PSMF1: variants seen among roughly 807,000 people sequenced by gnomAD.
PSMF1 encodes proteasome inhibitor PI31 subunit.
A neutral mutation model predicts 29.3 loss-of-function variants in PSMF1; 30 were observed. That is an observed-to-expected ratio of 1.02 (90% CI 0.77 to 1.39). The LOEUF (loss-of-function observed/expected upper bound fraction) is 1.39, where lower values mean the gene tolerates loss of function less well. Ranked by LOEUF, PSMF1 falls within the 40% of genes most tolerant of loss-of-function variation. The pLI is 0.00. For synonymous variants in PSMF1, 134 were observed against 139.7 expected (o/e 0.96, Z 0.29); for missense variants, 344 against 357.5 (o/e 0.96, Z 0.31).
At chr20:1,121,660 C>T (rs910160411) in intron 1 of PSMF1, among the ~76,000 whole-genome samples, 7 of 152,104 alleles carry the variant, frequency 4.6e-5, no homozygotes, top group East Asian at 1.9e-4. Flanking sequence ...GAGGAAGGTC[C>T]CAAGAGTGTA....
Position 1,166,166 on chromosome 20 carries a change from G to A in PSMF1, c.*1086G>A. The stretch of plus-strand genomic sequence containing the variant: ...TGGTGTTGAACTTCGGGAGGAGCAG[G>A]GAGCCCTGCACCTTGTGTCCTGGCC... On this transcript the variant is annotated 3_prime_UTR_variant, in exon 7 of 7. Transcript: ENST00000335877. 1 of 1,601,366 alleles carries A rather than the reference G, an allele frequency of 6.2e-7. No individual in the cohort carries two copies. The highest frequency in any genetic ancestry group is 8.5e-7 in the Non-Finnish European group (1 of 1,174,552).
At chr20:1,133,155 C>T (rs1459474866) in intron 3 of PSMF1, among the ~76,000 whole-genome samples, 2 of 151,116 alleles carry the variant, frequency 1.3e-5, no homozygotes, top group African/African-American at 2.4e-5. Context: ...ATGCTTTCCT[C>T]GTTCCCAATC....
At chr20:1,121,342 G>A (rs1333224360) in intron 1 of PSMF1, among the ~76,000 whole-genome samples, 2 of 151,962 alleles carry the variant, frequency 1.3e-5, no homozygotes, top group African/African-American at 2.4e-5. Flanking sequence ...GCATGCCCCC[G>A]AAGGAATGAG....
At chr20:1,150,446 CA>C (rs111349364) in intron 4 of PSMF1, among the ~76,000 whole-genome samples, 32 of 149,304 alleles carry the variant, frequency 2.1e-4, no homozygotes, top group African/African-American at 6.4e-4. Flanking sequence ...GTCAACACAG[CA>C]AAAAAAAAGC....
intron 4 of PSMF1, 45 bp downstream of exon 4, chr20:1,135,351 G>T: frequency 6.5e-7 from 1 of 1,540,690 alleles, no homozygotes. Context: ...TCTGTAGAGG[G>T]ATTCCAGCCA....
rs191438914 is a variant in PSMF1, at chr20:1,139,703, C to T, written c.551+4397C>T. Among the ~76,000 whole-genome samples the T allele has an allele frequency of 5.2e-3, 787 of 150,244 alleles. 2 individuals carry two copies. The highest frequency in any genetic ancestry group is 0.031 in the Middle Eastern group (9 of 290). Reference sequence around the variant, plus strand: ...GAGCTTGCAGTGAGCTGAGATTGCACCACTGCACTCCAGCCTGGGCAACAG... The same window carrying T: ...GAGCTTGCAGTGAGCTGAGATTGCATCACTGCACTCCAGCCTGGGCAACAG... On this transcript the variant is annotated intron_variant, in intron 4 of 6. Transcript: ENST00000335877.
chr20:1,118,616 GC>G lies in PSMF1; in HGVS notation c.-154del. 2 of 882,626 alleles carry G rather than the reference GC, an allele frequency of 2.3e-6. No individual in the cohort carries two copies. The highest frequency in any genetic ancestry group is 3.2e-6 in the Non-Finnish European group (2 of 616,346). 54.7% of individuals were successfully genotyped at this position (882,626 alleles called of 1,614,324 possible). A position where few individuals can be genotyped will look rare whatever the true frequency, so the allele number is the denominator to read the frequency against. ...GGACTACTTCCGGCTTCCCCGCCCC[GC>G]CCCGTCCCCGGGCGTCTCCATTTTG... On this transcript the variant is annotated 5_prime_UTR_variant, in exon 1 of 7. Coordinates refer to ENST00000335877, the MANE Select transcript of PSMF1 (RefSeq NM_006814.5).
Position 1,170,676 on chromosome 20 carries a change from A to G in PSMF1, c.*5596A>G, listed in dbSNP as rs558424065. The stretch of plus-strand genomic sequence containing the variant: ...GGCCTTCCTCATCCACAAAATGAGC[A>G]TCACCCCTACCTGCAGGATTCTTGC... On this transcript the variant is annotated 3_prime_UTR_variant, in exon 7 of 7. Transcript: ENST00000335877. Among the ~76,000 whole-genome samples the G allele has an allele frequency of 4.6e-5, 7 of 151,966 alleles. No individual in the cohort carries two copies. The East Asian group carries it at 1.4e-3, about 30-fold the overall frequency.
intron 4 of PSMF1, among the ~76,000 whole-genome samples, chr20:1,155,515 A>G (rs1302737544): frequency 6.6e-6 from 1 of 152,224 alleles, no homozygotes; most frequent in Non-Finnish European, 1.5e-5. Context: ...CTTTCTGCTC[A>G]GAGGACCCAA....
intron 4 of PSMF1, among the ~76,000 whole-genome samples, chr20:1,162,298 A>G (rs1026867314): frequency 5.9e-5 from 9 of 152,140 alleles, no homozygotes; most frequent in Non-Finnish European, 1.2e-4. Context: ...GCAATTCTTG[A>G]GTCTTTAAGA....
intron 4 of PSMF1, among the ~76,000 whole-genome samples, chr20:1,146,447 A>G (rs2086451250): frequency 6.6e-6 from 1 of 152,168 alleles, no homozygotes. Context: ...GGGTGGGGCC[A>G]GATTTGGGGA....
chr20:1,165,130 G>A lies in PSMF1; in HGVS notation c.*50G>A. ...GGCTTCCCTCCATTCTCCTGGAGCTGCCACCGCTGTCCCCATCAGCAACCA... is the reference window on the plus strand; with the variant it reads ...GGCTTCCCTCCATTCTCCTGGAGCTACCACCGCTGTCCCCATCAGCAACCA... On this transcript the variant is annotated 3_prime_UTR_variant, in exon 7 of 7. Transcript: ENST00000335877. 6.2e-7 allele frequency: 1 copy of A among 1,613,896 alleles called. No homozygotes were observed. The highest frequency in any genetic ancestry group is 2.2e-5 in the East Asian group (1 of 44,872).
chr20:1,165,994 G>A lies in PSMF1; in HGVS notation c.*914G>A. 2.1e-6 allele frequency: 3 copies of A among 1,410,958 alleles called. No individual in the cohort carries two copies. Among genetic ancestry groups the A allele is most frequent in the Non-Finnish European group, 2.8e-6 (3 of 1,083,070 alleles). 87.4% of individuals were successfully genotyped at this position (1,410,958 alleles called of 1,614,324 possible). ...ATTTTGATGTCTCATTCTGTGTTTG[G>A]TAACCCCTATAAACTGGGGCAGAGG... is the stretch of plus-strand genomic sequence containing the variant. On this transcript the variant is annotated 3_prime_UTR_variant, in exon 7 of 7. Transcript: ENST00000335877.
Position 1,129,795 on chromosome 20 carries a change from G to A in PSMF1, c.365+2287G>A, listed in dbSNP as rs373166737. Among the ~76,000 whole-genome samples, 8 of 152,294 alleles carry A rather than the reference G, an allele frequency of 5.3e-5. No individual in the cohort carries two copies. In the South Asian group the frequency reaches 8.3e-4, roughly 16 times the overall value. ...TATGACAGTTCTTCAAAAAATTACC[G>A]TATAATCCTGCATGTCCACTTCCGG... On this transcript the variant is annotated intron_variant, in intron 3 of 6. Transcript: ENST00000335877.
rs947701525 is a variant in PSMF1 at position 1,172,118 on chromosome 20, C to T, written c.*7038C>T. 6.6e-6 allele frequency among the ~76,000 whole-genome samples: 1 copy of T among 152,238 alleles called. No individual in the cohort carries two copies. The highest frequency in any genetic ancestry group is 1.5e-5 in the Non-Finnish European group (1 of 68,048). On this transcript the variant is annotated 3_prime_UTR_variant, in exon 7 of 7. Coordinates refer to ENST00000335877, the MANE Select transcript of PSMF1 (RefSeq NM_006814.5). ...CTCCCCCAACCTGCCCTCCTCCTCTCCCCCACAGAGCTTCCCAATTTACAT... is the reference window on the plus strand; with the variant it reads ...CTCCCCCAACCTGCCCTCCTCCTCTTCCCCACAGAGCTTCCCAATTTACAT...
Position 1,165,569 on chromosome 20 carries a change from G to A in PSMF1, c.*489G>A, listed in dbSNP as rs1455925124. On this transcript the variant is annotated 3_prime_UTR_variant, in exon 7 of 7. Transcript: ENST00000335877. ...GTAGGGCTGAATGACTCTTTTTCCT[G>A]CCCAGGGCCCATTCTTGCTTCTCAG... The A allele has an allele frequency of 3.0e-6, 3 of 994,558 alleles. No homozygotes were observed. The highest frequency in any genetic ancestry group is 3.6e-6 in the Non-Finnish European group (3 of 835,534). 61.6% of individuals were successfully genotyped at this position (994,558 alleles called of 1,614,324 possible). A position where few individuals can be genotyped will look rare whatever the true frequency, so the allele number is the denominator to read the frequency against.
At position 1,118,655 on chromosome 20, in the gene PSMF1, G is replaced by A. The variant is rs1424937557; in HGVS notation, c.-119G>A. On this transcript the variant is annotated 5_prime_UTR_variant, in exon 1 of 7. Coordinates refer to ENST00000335877, the MANE Select transcript of PSMF1 (RefSeq NM_006814.5). ...CGTCTCCATTTTGGTCTCAGGTGTG[G>A]ACTCGGCAAGAACCAGCGCAAGAGG... 7.7e-7 allele frequency: 1 copy of A among 1,293,020 alleles called. No homozygotes were observed. The highest frequency in any genetic ancestry group is 1.0e-6 in the Non-Finnish European group (1 of 960,972). The allele number at this position is 1,293,020 out of a possible 1,614,324, so 80.1% of individuals were successfully genotyped here. A position where few individuals can be genotyped will look rare whatever the true frequency, so the allele number is the denominator to read the frequency against.
intron 2 of PSMF1, 181 bp downstream of exon 2, chr20:1,125,831 G>A: frequency 3.8e-6 from 3 of 796,830 alleles, no homozygotes. Context: ...CGTGCACAAA[G>A]GTATCCACCA....
chr20:1,135,099 ACT>A lies in PSMF1; in HGVS notation c.366-19_366-18del. ...GTTCCTAGCCAACTGCAAGCAGTTGACTCTTCATCTGCTTCCTGCAGGACCTA... is the reference window on the plus strand; with the variant it reads ...GTTCCTAGCCAACTGCAAGCAGTTGACTTCATCTGCTTCCTGCAGGACCTA... On this transcript the variant is annotated intron_variant, in intron 3 of 6. Coordinates refer to ENST00000335877, the MANE Select transcript of PSMF1 (RefSeq NM_006814.5). 1 of 1,612,548 alleles carries A rather than the reference ACT, an allele frequency of 6.2e-7. No homozygotes were observed. The highest frequency in any genetic ancestry group is 8.5e-7 in the Non-Finnish European group (1 of 1,178,736).
Sources: gnomAD v4.1 joint callset for allele counts (sites outside exome capture counted in the v4.1 genomes callset) on GRCh38, gnomAD v4.1.1 for gene constraint, MANE v1.5 for transcripts, NCBI Gene and HGNC (gene_info 2026-07-23, HGNC 2026-07-21) for gene names.